AK5: variants seen among roughly 807,000 people sequenced by gnomAD.
AK5 encodes the protein adenylate kinase isoenzyme 5.
A neutral mutation model predicts 69.5 loss-of-function variants in AK5; 27 were observed. The ratio of observed to expected loss-of-function variants is 0.39; its 90% CI spans 0.29 to 0.54. AK5 has a LOEUF of 0.54. AK5 is among the 20% of genes least tolerant of loss of function. The pLI is 0.71. For missense variants in AK5, 531 were observed against 700.4 expected, an observed-to-expected ratio of 0.76 and a Z score of 2.73; for synonymous variants, 260 against 244.4, an observed-to-expected ratio of 1.06 and a Z score of -0.60.
chr1:77,355,779 G>T (rs1223080221), intron 6 of AK5, among the ~76,000 whole-genome samples: 2 of 151,308 alleles, frequency 1.3e-5, no homozygotes, highest in East Asian at 3.9e-4. Flanking sequence ...CCAGCAGCTG[G>T]CTTGGAGCCC....
intron 13 of AK5, among the ~76,000 whole-genome samples, chr1:77,539,877 TAAG>T (rs1359185901): frequency 3.3e-5 from 5 of 152,202 alleles, no homozygotes; most frequent in Non-Finnish European, 7.3e-5. Context: ...CTGGGTCACT[TAAG>T]GAGCTTTCTT....
At chr1:77,292,293 A>G (rs1158439592) in intron 2 of AK5, among the ~76,000 whole-genome samples, 2 of 152,202 alleles carry the variant, frequency 1.3e-5, no homozygotes, top group African/African-American at 2.4e-5. Flanking sequence ...AGCCCTTCCC[A>G]GCTCTTTCTA....
At chr1:77,463,030 A>G (rs1458890688) in intron 8 of AK5, among the ~76,000 whole-genome samples, 1 of 152,238 alleles carries the variant, frequency 6.6e-6, no homozygotes, top group East Asian at 1.9e-4. Context: ...CAAAGAATCT[A>G]GATTCTAATG....
intron 13 of AK5, chr1:77,557,153 T>G (rs2100410493): frequency 6.5e-6 from 1 of 152,836 alleles, no homozygotes; most frequent in South Asian, 2.1e-4. Flanking sequence ...GGAGTTTCCC[T>G]TCCTCAGAAT....
chr1:77,369,148 T>G (rs951398407), intron 6 of AK5, among the ~76,000 whole-genome samples: 13 of 152,118 alleles, frequency 8.5e-5, no homozygotes, highest in African/African-American at 3.1e-4. Context: ...AAAAATTATA[T>G]TCAAAGGAGT....
At chr1:77,360,493 TA>T (rs1386664876) in intron 6 of AK5, among the ~76,000 whole-genome samples, 3 of 151,826 alleles carry the variant, frequency 2.0e-5, no homozygotes, top group African/African-American at 4.8e-5. Context: ...GCAGAGAAGT[TA>T]GGGGGGGTGG....
At chr1:77,395,813 G>A (rs528474375) in intron 6 of AK5, among the ~76,000 whole-genome samples, 1 of 152,334 alleles carries the variant, frequency 6.6e-6, no homozygotes, top group African/African-American at 2.4e-5. Context: ...CCAAATAACT[G>A]TAGGAAGCCA....
chr1:77,302,140 T>C (rs532730496), intron 5 of AK5, among the ~76,000 whole-genome samples: 1 of 152,030 alleles, frequency 6.6e-6, no homozygotes, highest in African/African-American at 2.4e-5. Flanking sequence ...CCTCAAGTGA[T>C]CATCCTCTCT....
intron 6 of AK5, among the ~76,000 whole-genome samples, chr1:77,368,249 ATATAATATATATG>A (rs1647046186): frequency 1.1e-5 from 1 of 88,062 alleles, no homozygotes; most frequent in Admixed American, 1.5e-4. Flanking sequence ...ATATATATAT[ATATAATATATATG>A]TTATATATAT....
Position 77,418,348 on chromosome 1 carries a change from C to G in AK5, c.1059+633C>G, listed in dbSNP as rs79777607. 5.7e-3 allele frequency among the ~76,000 whole-genome samples: 862 copies of G among 152,232 alleles called. 8 individuals are homozygous for G. The highest frequency in any genetic ancestry group is 0.019 in the African/African-American group (804 of 41,544). Reference sequence around the variant, plus strand: ...ATCACAACAGCACAGAAAAGACCCGCCCCTGTGATTCAGTCATCTCCCACT... The same window carrying G: ...ATCACAACAGCACAGAAAAGACCCGGCCCTGTGATTCAGTCATCTCCCACT... On this transcript the variant is annotated intron_variant, in intron 8 of 13. Coordinates refer to ENST00000354567, the MANE Select transcript of AK5 (RefSeq NM_174858.3).
At chr1:77,397,884 G>C (rs187002421) in intron 6 of AK5, among the ~76,000 whole-genome samples, 1 of 152,204 alleles carries the variant, frequency 6.6e-6, no homozygotes, top group African/African-American at 2.4e-5. Flanking sequence ...TCTAGGCAAC[G>C]GAACAAGACG....
intron 8 of AK5, among the ~76,000 whole-genome samples, chr1:77,476,461 G>C (rs1438852523): frequency 2.0e-5 from 3 of 146,842 alleles, no homozygotes; most frequent in African/African-American, 7.5e-5. Flanking sequence ...CAGTTTTCCA[G>C]TAAAACCTGT....
intron 13 of AK5, among the ~76,000 whole-genome samples, chr1:77,551,687 G>A (rs1003521102): frequency 1.3e-5 from 2 of 152,054 alleles, no homozygotes; most frequent in Non-Finnish European, 2.9e-5. Flanking sequence ...CCTCTGTGCT[G>A]AAACCAAGTC....
intron 5 of AK5, among the ~76,000 whole-genome samples, chr1:77,313,237 A>G (rs1660058094): frequency 6.6e-6 from 1 of 152,100 alleles, no homozygotes. Flanking sequence ...TCCACTTTAC[A>G]GGTAAGGAAA....
At chr1:77,449,236 C>T (rs1304719869) in intron 8 of AK5, among the ~76,000 whole-genome samples, 1 of 152,180 alleles carries the variant, frequency 6.6e-6, no homozygotes, top group East Asian at 1.9e-4. Context: ...GGGGGGTATA[C>T]CCTGCAAAGC....
Position 77,331,451 on chromosome 1 carries a change from C to T in AK5, c.700-8926C>T, listed in dbSNP as rs373432409. ...TGTTAAATATTACCAAAGCTTTTTC[C>T]GTATTTATTAATTTATTAAGATTAT... On this transcript the variant is annotated intron_variant, in intron 5 of 13. Coordinates refer to ENST00000354567, the MANE Select transcript of AK5 (RefSeq NM_174858.3). 8.5e-5 allele frequency among the ~76,000 whole-genome samples: 13 copies of T among 152,118 alleles called. No homozygotes were observed. The South Asian group carries it at 1.0e-3, about 12-fold the overall frequency.
intron 6 of AK5, among the ~76,000 whole-genome samples, chr1:77,406,137 A>G (rs1649612864): frequency 7.3e-6 from 1 of 136,252 alleles, no homozygotes; most frequent in Middle Eastern, 3.4e-3. Flanking sequence ...AACAGCCAGC[A>G]TATGTAGATG....
At chr1:77,521,768 G>C in intron 11 of AK5, 59 bp from the exon 12 acceptor site, 1 of 1,280,250 alleles carries the variant, frequency 7.8e-7, no homozygotes. Flanking sequence ...AGGAGACTTG[G>C]GGTACTTCTA....
At chr1:77,401,811 T>C (rs1649232670) in intron 6 of AK5, among the ~76,000 whole-genome samples, 1 of 152,232 alleles carries the variant, frequency 6.6e-6, no homozygotes, top group South Asian at 2.1e-4. Context: ...CTAATCTAGA[T>C]ATATTTTGTA....
Sources: allele counts gnomAD v4.1 joint callset (sites outside exome capture counted in the v4.1 genomes callset), GRCh38; gene constraint gnomAD v4.1.1; transcripts MANE v1.5; gene names NCBI Gene and HGNC (gene_info 2026-07-23, HGNC 2026-07-21).